Variants in EDN1 observed in about 807,000 individuals in gnomAD.
The protein encoded by EDN1 is endothelin-1.
A neutral mutation model predicts 21.7 loss-of-function variants in EDN1; 11 were observed. The observed-to-expected ratio is 0.51, with a 90% confidence interval of 0.32 to 0.84. EDN1 has a LOEUF of 0.84. Ranked by LOEUF, EDN1 falls within the 40% of genes least tolerant of loss-of-function variation. EDN1 has a pLI of 0.03. For synonymous variants in EDN1, 85 were observed against 90.6 expected (o/e 0.94, Z 0.35); for missense variants, 244 against 262.3 (o/e 0.93, Z 0.48).
the EDN1 span, among the ~76,000 whole-genome samples, chr6:12,284,164 A>T: frequency 6.6e-6 from 1 of 152,196 alleles, no homozygotes; most frequent in South Asian, 2.1e-4. Flanking sequence ...CTCGATAAAC[A>T]CGGATGCACA....
chr6:12,249,470 A>G, the EDN1 span, among the ~76,000 whole-genome samples: 1 of 151,222 alleles, frequency 6.6e-6, no homozygotes, highest in Admixed American at 6.6e-5. Context: ...ATGTAAGGCA[A>G]ATGTCTTCCA....
chr6:12,270,335 T>C, the EDN1 span, among the ~76,000 whole-genome samples: 1,203 of 152,174 alleles, frequency 7.9e-3, 12 homozygotes, highest in African/African-American at 0.026. Flanking sequence ...TTTGGTTTGT[T>C]CTTGTTTTTC....
Position 12,294,092 on chromosome 6 carries a change from C to T in EDN1, c.385C>T (p.Leu129Phe). ...GAATTTTTGCCAAGCAGGAAAAGAACTCAGGTGAGCAGAAACACCTTTGCT... is the reference window on the plus strand; with the variant it reads ...GAATTTTTGCCAAGCAGGAAAAGAATTCAGGTGAGCAGAAACACCTTTGCT... ...CWNFCQAGKE[L>F]RAEDIMEKDW... The change falls in exon 3 of 5, where the codon CTC becomes TTC. Residue 129 changes from leucine (L) to phenylalanine (F), a missense_variant. Coordinates refer to ENST00000379375, the MANE Select transcript of EDN1 (RefSeq NM_001955.5). 1 of 1,614,166 alleles carries T rather than the reference C, an allele frequency of 6.2e-7. No homozygotes were observed. Among genetic ancestry groups the T allele is most frequent in the Non-Finnish European group, 8.5e-7 (1 of 1,180,032 alleles).
chr6:12,252,944 G>A, the EDN1 span, among the ~76,000 whole-genome samples: 1 of 152,170 alleles, frequency 6.6e-6, no homozygotes, highest in Non-Finnish European at 1.5e-5. Flanking sequence ...AATCACCTAT[G>A]AAGAAACTGA....
chr6:12,235,335 G>A, the EDN1 span, among the ~76,000 whole-genome samples: 1 of 152,154 alleles, frequency 6.6e-6, no homozygotes, highest in Non-Finnish European at 1.5e-5. Flanking sequence ...GCTAATTTTG[G>A]TAACATGGTG....
chr6:12,275,965 A>G, the EDN1 span, among the ~76,000 whole-genome samples: 86 of 152,204 alleles, frequency 5.7e-4, no homozygotes, highest in African/African-American at 1.9e-3. Context: ...GATCGAGACC[A>G]TCCTGGCTGA....
upstream of EDN1, among the ~76,000 whole-genome samples, chr6:12,288,305 G>A (rs1418909680): frequency 1.3e-5 from 2 of 152,156 alleles, no homozygotes; most frequent in Non-Finnish European, 2.9e-5. Flanking sequence ...TCTTCCGCGG[G>A]AGTGTTGGGG....
At chr6:12,231,740 T>TA in the EDN1 span, among the ~76,000 whole-genome samples, 1 of 151,114 alleles carries the variant, frequency 6.6e-6, no homozygotes, top group African/African-American at 2.4e-5. Flanking sequence ...CTTGTCTGAT[T>TA]TTTTTTTTAG....
upstream of EDN1, among the ~76,000 whole-genome samples, chr6:12,287,393 G>A (rs1177647843): frequency 6.6e-6 from 1 of 152,058 alleles, no homozygotes; most frequent in Non-Finnish European, 1.5e-5. Context: ...AAGTGGAGGA[G>A]GGGTGGGGGC....
chr6:12,268,225 T>C, the EDN1 span, among the ~76,000 whole-genome samples: 2 of 152,234 alleles, frequency 1.3e-5, no homozygotes, highest in Admixed American at 1.3e-4. Context: ...AAGAAACTCA[T>C]TTTATAATGC....
In EDN1 at chr6:12,290,616, C is replaced by T. The variant is rs199950247; in HGVS notation, c.-14C>T. On this transcript the variant is annotated 5_prime_UTR_variant, in exon 1 of 5. Transcript: ENST00000379375. ...TCAGTTTGAACGGGAGGTTTTTGAT[C>T]CCTTTTTTTCAGAATGGATTATTTG... 2 of 1,613,544 alleles carry T rather than the reference C, an allele frequency of 1.2e-6. No homozygotes were observed. Among genetic ancestry groups the T allele is most frequent in the South Asian group, 1.1e-5 (1 of 91,078 alleles).
At chr6:12,255,798 A>T in the EDN1 span, among the ~76,000 whole-genome samples, 1 of 152,246 alleles carries the variant, frequency 6.6e-6, no homozygotes, top group Non-Finnish European at 1.5e-5. Flanking sequence ...GGTCAAAACA[A>T]TTGAATATCA....
At chr6:12,281,888 C>G in the EDN1 span, among the ~76,000 whole-genome samples, 1 of 151,962 alleles carries the variant, frequency 6.6e-6, no homozygotes, top group Admixed American at 6.6e-5. Context: ...CATTTTCTAT[C>G]TAGGGTTTTG....
chr6:12,293,905 A>T lies in EDN1; in HGVS notation c.234-36A>T, dbSNP rs533746234. On this transcript the variant is annotated intron_variant, in intron 2 of 4. Transcript: ENST00000379375. ...TGTGTCATTTTAAAGACTATTAATT[A>T]CACTAATATAGTTTCTTTCTCTCTT... The T allele has an allele frequency of 5.0e-6, 8 of 1,608,022 alleles. No individual in the cohort carries two copies. The East Asian group carries it at 1.8e-4, about 36-fold the overall frequency.
upstream of EDN1, among the ~76,000 whole-genome samples, chr6:12,286,168 G>A (rs1762556767): frequency 6.6e-6 from 1 of 152,198 alleles, no homozygotes; most frequent in South Asian, 2.1e-4. Flanking sequence ...TTTGGGAAAT[G>A]CTAGATTAGA....
the EDN1 span, among the ~76,000 whole-genome samples, chr6:12,273,604 C>CTTTTTTTTT: frequency 1.2e-5 from 1 of 83,380 alleles, no homozygotes; most frequent in Non-Finnish European, 2.1e-5. Flanking sequence ...GTAGGCAGGA[C>CTTTTTTTTT]TTTTTTTTTT....
chr6:12,262,607 C>T, the EDN1 span, among the ~76,000 whole-genome samples: 1 of 152,202 alleles, frequency 6.6e-6, no homozygotes, highest in Non-Finnish European at 1.5e-5. Context: ...TACGGCAGCT[C>T]ATGCCTGTAA....
At chr6:12,292,618 A>T (rs1762713729) in intron 2 of EDN1, 109 bp downstream of exon 2, 4 of 1,305,362 alleles carry the variant, frequency 3.1e-6, no homozygotes, top group Non-Finnish European at 4.4e-6. Flanking sequence ...TCCTTCTAAC[A>T]CCATCCAAGT....
chr6:12,258,448 TCAAAAAA>T, the EDN1 span, among the ~76,000 whole-genome samples: 1 of 27,734 alleles, frequency 3.6e-5, no homozygotes, highest in African/African-American at 6.8e-5. Context: ...AGATCATGTC[TCAAAAAA>T]AAAAAAAAAA....
Sources: gnomAD v4.1 joint callset for allele counts (sites outside exome capture counted in the v4.1 genomes callset) on GRCh38, gnomAD v4.1.1 for gene constraint, MANE v1.5 for transcripts, NCBI Gene and HGNC (gene_info 2026-07-23, HGNC 2026-07-21) for gene names.